The following IQCM variants were observed in gnomAD, a reference collection of about 807,000 sequenced individuals.
The protein encoded by IQCM is IQ motif containing M.
In IQCM, 45 loss-of-function variants were observed where a neutral mutation model predicts 57.6. That is an observed-to-expected ratio of 0.78 (90% confidence interval 0.62 to 1.00). The LOEUF is 1.00. Among genes scored for constraint, IQCM ranks in the 50% least tolerant of loss-of-function variants. IQCM has a pLI of 0.00. For synonymous variants in IQCM, 148 were observed against 158.9 expected (o/e 0.93, Z 0.51); for missense variants, 468 against 511.6 (o/e 0.91, Z 0.82).
chr4:149,450,204 C>A (rs1032772577), intron 12 of IQCM, among the ~76,000 whole-genome samples: 1 of 151,728 alleles, frequency 6.6e-6, no homozygotes, highest in Non-Finnish European at 1.5e-5. Context: ...ATACAAAAAT[C>A]AAATCTAAAT....
intron 12 of IQCM, among the ~76,000 whole-genome samples, chr4:149,480,280 T>A (rs1385530203): frequency 6.6e-6 from 1 of 152,214 alleles, no homozygotes; most frequent in East Asian, 1.9e-4. Context: ...TTACACTTTT[T>A]AAAGTTATTT....
intron 12 of IQCM, among the ~76,000 whole-genome samples, chr4:149,439,465 T>G (rs1735689966): frequency 1.3e-5 from 2 of 152,048 alleles, no homozygotes; most frequent in South Asian, 4.1e-4. Context: ...ATTTTATAGC[T>G]GCCCAAAACA....
chr4:149,472,809 A>G (rs553212683), intron 12 of IQCM, among the ~76,000 whole-genome samples: 1 of 152,210 alleles, frequency 6.6e-6, no homozygotes, highest in Non-Finnish European at 1.5e-5. Context: ...GCCCTCAGAA[A>G]TAATACCACA....
intron 12 of IQCM, among the ~76,000 whole-genome samples, chr4:149,535,576 C>G (rs1747209372): frequency 1.3e-5 from 2 of 152,034 alleles, no homozygotes; most frequent in African/African-American, 4.8e-5. Context: ...TTACACCATT[C>G]TAAAGCCCCC....
intron 12 of IQCM, among the ~76,000 whole-genome samples, chr4:149,461,130 C>T (rs561819685): frequency 7.2e-4 from 107 of 148,950 alleles, no homozygotes; most frequent in Admixed American, 1.7e-3. Context: ...GCTACTCAGG[C>T]GGCTGAGGCA....
At chr4:149,479,736 T>C (rs960522792) in intron 12 of IQCM, among the ~76,000 whole-genome samples, 1 of 152,064 alleles carries the variant, frequency 6.6e-6, no homozygotes, top group Non-Finnish European at 1.5e-5. Context: ...CCTGGGATGA[T>C]GGAGTGCAGA....
intron 2 of IQCM, among the ~76,000 whole-genome samples, chr4:149,772,573 A>G (rs1438756802): frequency 6.6e-6 from 1 of 152,242 alleles, no homozygotes; most frequent in Non-Finnish European, 1.5e-5. Context: ...AATATAAGAA[A>G]GAGAATCAAG....
chr4:149,375,186 G>A (rs1248086517), intron 13 of IQCM, among the ~76,000 whole-genome samples: 2 of 152,066 alleles, frequency 1.3e-5, no homozygotes, highest in African/African-American at 2.4e-5. Flanking sequence ...TATATGTGAT[G>A]GCTGTTGGGA....
At chr4:149,579,201 T>C (rs1219624217) in intron 9 of IQCM, among the ~76,000 whole-genome samples, 1 of 151,792 alleles carries the variant, frequency 6.6e-6, no homozygotes, top group Non-Finnish European at 1.5e-5. Context: ...TCCCAGCTGC[T>C]GATTTCCTAT....
chr4:149,613,427 T>C (rs1042696976), intron 8 of IQCM, among the ~76,000 whole-genome samples: 7 of 152,166 alleles, frequency 4.6e-5, no homozygotes, highest in African/African-American at 1.7e-4. Context: ...ATTCTCCCCA[T>C]ATTCATTTTT....
intron 13 of IQCM, among the ~76,000 whole-genome samples, chr4:149,419,671 C>A (rs972039477): frequency 1.8e-4 from 28 of 152,158 alleles, no homozygotes; most frequent in African/African-American, 6.7e-4. Context: ...AGTTTCTGCA[C>A]AGCAAAAGAA....
chr4:149,814,536 A>G (rs1043297470), intron 2 of IQCM, among the ~76,000 whole-genome samples: 3 of 152,008 alleles, frequency 2.0e-5, no homozygotes, highest in Non-Finnish European at 4.4e-5. Context: ...CATTCCAAAA[A>G]AAATAGACTG....
At chr4:149,771,750 TTC>T (rs554282925) in intron 2 of IQCM, among the ~76,000 whole-genome samples, 199 of 152,246 alleles carry the variant, frequency 1.3e-3, no homozygotes, top group African/African-American at 4.6e-3. Flanking sequence ...CATAAACAGA[TTC>T]TGATGAATAA....
intron 8 of IQCM, among the ~76,000 whole-genome samples, chr4:149,591,961 T>C (rs987595055): frequency 1.3e-5 from 2 of 152,206 alleles, no homozygotes; most frequent in African/African-American, 4.8e-5. Context: ...CCTTTGGGTA[T>C]ATACCCAGTA....
chr4:149,494,511 T>C (rs572853538), intron 12 of IQCM, among the ~76,000 whole-genome samples: 1 of 152,216 alleles, frequency 6.6e-6, no homozygotes, highest in Admixed American at 6.6e-5. Flanking sequence ...TCAATTTTCA[T>C]GTTTGTGCCC....
chr4:149,684,405 T>G (rs1762407820), intron 6 of IQCM, among the ~76,000 whole-genome samples: 1 of 151,278 alleles, frequency 6.6e-6, no homozygotes, highest in Non-Finnish European at 1.5e-5. Flanking sequence ...AGTATTAGAG[T>G]CATCTTAACA....
intron 2 of IQCM, among the ~76,000 whole-genome samples, chr4:149,782,694 C>T (rs1374622226): frequency 6.8e-6 from 1 of 147,806 alleles, no homozygotes; most frequent in African/African-American, 2.5e-5. Context: ...AAAAAAAAAA[C>T]ACCACTATCA....
chr4:149,360,307 C>T (rs1041125963), intron 13 of IQCM, among the ~76,000 whole-genome samples: 1 of 152,078 alleles, frequency 6.6e-6, no homozygotes, highest in Non-Finnish European at 1.5e-5. Flanking sequence ...ATGGTATTTA[C>T]ATTGTATTAG....
At chr4:149,614,640 T>A (rs977843895) in intron 8 of IQCM, among the ~76,000 whole-genome samples, 3 of 148,204 alleles carry the variant, frequency 2.0e-5, no homozygotes, top group Non-Finnish European at 3.0e-5. Flanking sequence ...GGTGTCCAGT[T>A]TTTTGGCTTC....
Sources: gnomAD v4.1 joint callset for allele counts (sites outside exome capture counted in the v4.1 genomes callset) on GRCh38, gnomAD v4.1.1 for gene constraint, MANE v1.5 for transcripts, NCBI Gene and HGNC (gene_info 2026-07-23, HGNC 2026-07-21) for gene names.